DISC1: variants seen among roughly 807,000 people sequenced by gnomAD.
DISC1 encodes the protein DISC1 scaffold protein, also known as disrupted in schizophrenia 1 protein.
A neutral mutation model predicts 84.5 loss-of-function variants in DISC1; 57 were observed. The observed-to-expected ratio is 0.67, with a 90% CI of 0.55 to 0.84. The LOEUF (loss-of-function observed/expected upper bound fraction) is 0.84, where lower values mean the gene tolerates loss of function less well. Ranked by LOEUF, DISC1 falls within the 40% of genes least tolerant of loss-of-function variation. The probability of loss-of-function intolerance (pLI) is 0.00; values close to 1 mark genes in which losing one functional copy is unlikely to be tolerated. For missense variants in DISC1, 1,000 were observed against 1,057.8 expected (o/e 0.95, Z 0.76); for synonymous variants, 411 against 415.2 (o/e 0.99, Z 0.12).
chr1:231,636,406 C>T (rs1020267423), intron 1 of DISC1, among the ~76,000 whole-genome samples: 15 of 152,264 alleles, frequency 9.9e-5, no homozygotes, highest in African/African-American at 2.9e-4. Flanking sequence ...GCTGGCTAAT[C>T]GGCCTTGGGG....
At chr1:231,959,214 T>C in intron 10 of DISC1, 2 of 1,022,662 alleles carry the variant, frequency 2.0e-6, no homozygotes, top group Non-Finnish European at 2.3e-6. Context: ...TTTTAAACTT[T>C]AGTGTTTGAG....
Position 231,694,011 on chromosome 1 carries a change from C to T in DISC1, c.253C>T (p.Gln85Ter), listed in dbSNP as rs2065354060. 6.2e-7 allele frequency: 1 copy of T among 1,614,042 alleles called. No individual in the cohort carries two copies. The highest frequency in any genetic ancestry group is 1.3e-5 in the African/African-American group (1 of 74,938). The part of the protein sequence containing the change: ...ESHHSESRAR[Q>*]CGLDSRGLLV... The stretch of plus-strand genomic sequence containing the variant: ...CCACCACTCGGAGTCCAGGGCCAGA[C>T]AGTGTGGCCTTGACTCGAGAGGCCT... The change falls in exon 2 of 13, where the codon CAG becomes TAG. Residue 85 changes from glutamine (Q) to a stop codon, truncating the protein, a stop_gained. Coordinates refer to ENST00000439617, the MANE Select transcript of DISC1 (RefSeq NM_018662.3). LOFTEE classifies it high-confidence loss of function.
At chr1:231,730,689 G>T (rs530667781) in intron 3 of DISC1, among the ~76,000 whole-genome samples, 1 of 152,192 alleles carries the variant, frequency 6.6e-6, no homozygotes, top group South Asian at 2.1e-4. Context: ...GTAGGCTGGG[G>T]TAAGATATGA....
intron 4 of DISC1, among the ~76,000 whole-genome samples, chr1:231,766,288 T>TAAAAAAAAAAA (rs61578768): frequency 9.4e-6 from 1 of 106,126 alleles, no homozygotes; most frequent in Non-Finnish European, 1.8e-5. Flanking sequence ...AGACATTATC[T>TAAAAAAAAAAA]AAAAAAAAAA....
At chr1:231,940,886 A>T (rs149873332) in intron 9 of DISC1, 90 of 152,356 alleles carry the variant, frequency 5.9e-4, no homozygotes, top group African/African-American at 2.1e-3. Flanking sequence ...TTGCGGGTGC[A>T]TCACAGCAGG....
At chr1:231,802,258 G>C (rs1177258030) in intron 8 of DISC1, among the ~76,000 whole-genome samples, 1 of 152,096 alleles carries the variant, frequency 6.6e-6, no homozygotes, top group East Asian at 1.9e-4. Context: ...TGGATCATGA[G>C]GGCGGTTTCC....
At chr1:231,921,388 G>A (rs558985930) in intron 9 of DISC1, among the ~76,000 whole-genome samples, 55 of 152,230 alleles carry the variant, frequency 3.6e-4, no homozygotes, top group South Asian at 4.1e-4. Context: ...GCTTCAATTT[G>A]TTCTCAGTTT....
chr1:231,847,930 A>G (rs1300382938), intron 9 of DISC1, among the ~76,000 whole-genome samples: 1 of 152,222 alleles, frequency 6.6e-6, no homozygotes, highest in South Asian at 2.1e-4. Flanking sequence ...TGCCAAGTGA[A>G]TGAATAAAAC....
chr1:231,990,299 G>A (rs1410763680), intron 10 of DISC1, among the ~76,000 whole-genome samples: 2 of 151,872 alleles, frequency 1.3e-5, no homozygotes, highest in Non-Finnish European at 2.9e-5. Context: ...CACCACTAAA[G>A]GTCTTGGAAA....
At chr1:231,643,873 GC>G (rs1284415558) in intron 1 of DISC1, among the ~76,000 whole-genome samples, 3 of 152,184 alleles carry the variant, frequency 2.0e-5, no homozygotes, top group Non-Finnish European at 4.4e-5. Context: ...GAGCCCTGGT[GC>G]TGAGGATGGC....
Position 231,633,065 on chromosome 1 carries a change from C to T in DISC1, c.67+6131C>T, listed in dbSNP as rs568111177. Reference sequence around the variant, plus strand: ...CAGCCTGGGCTACAGAGAGAGACTCCGTCAAAAAAACAAACAAACAAAAAA... The same window carrying T: ...CAGCCTGGGCTACAGAGAGAGACTCTGTCAAAAAAACAAACAAACAAAAAA... On this transcript the variant is annotated intron_variant, in intron 1 of 12. Coordinates refer to ENST00000439617, the MANE Select transcript of DISC1 (RefSeq NM_018662.3). Among the ~76,000 whole-genome samples the T allele has an allele frequency of 3.3e-5, 5 of 151,976 alleles. No homozygotes were observed. In the East Asian group the frequency reaches 7.7e-4, roughly 23 times the overall value.
chr1:231,886,453 C>T (rs1157117045), intron 9 of DISC1, among the ~76,000 whole-genome samples: 3 of 152,176 alleles, frequency 2.0e-5, no homozygotes, highest in African/African-American at 7.2e-5. Flanking sequence ...GAAAGACATA[C>T]ATTGTGGGTA....
At chr1:232,004,241 A>G (rs1179806734) in intron 10 of DISC1, among the ~76,000 whole-genome samples, 3 of 151,964 alleles carry the variant, frequency 2.0e-5, no homozygotes, top group Non-Finnish European at 4.4e-5. Context: ...AGAACAAATC[A>G]ATGAAATAGT....
At chr1:231,737,800 A>T (rs1293113234) in intron 3 of DISC1, among the ~76,000 whole-genome samples, 10 of 152,240 alleles carry the variant, frequency 6.6e-5, no homozygotes, top group Admixed American at 5.9e-4. Flanking sequence ...CCTGAGCTGG[A>T]TACATACGCC....
intron 9 of DISC1, among the ~76,000 whole-genome samples, chr1:231,899,752 G>T (rs12139471): frequency 0.016 from 2,415 of 152,196 alleles, 29 homozygotes; most frequent in Middle Eastern, 0.061. Flanking sequence ...GTTTTCTGGC[G>T]AGTCTGTCGT....
At chr1:231,886,238 C>T (rs1231724985) in intron 9 of DISC1, among the ~76,000 whole-genome samples, 1 of 152,196 alleles carries the variant, frequency 6.6e-6, no homozygotes, top group African/African-American at 2.4e-5. Flanking sequence ...CACATTGAAA[C>T]CATAGCACTC....
intron 2 of DISC1, among the ~76,000 whole-genome samples, chr1:231,697,042 A>G (rs1299663375): frequency 6.6e-6 from 1 of 152,230 alleles, no homozygotes; most frequent in Non-Finnish European, 1.5e-5. Flanking sequence ...CAATAGGAGG[A>G]AGAACCTCTT....
intron 6 of DISC1, among the ~76,000 whole-genome samples, chr1:231,791,454 T>G (rs977467663): frequency 6.6e-6 from 1 of 152,240 alleles, no homozygotes; most frequent in African/African-American, 2.4e-5. Flanking sequence ...AATTAGAGTT[T>G]CTACTTCATA....
At chr1:232,007,178 A>G (rs1667566546) in intron 10 of DISC1, among the ~76,000 whole-genome samples, 1 of 152,156 alleles carries the variant, frequency 6.6e-6, no homozygotes, top group African/African-American at 2.4e-5. Context: ...TGGAAGGGAA[A>G]TGTGGGGTCA....
Sources: allele counts gnomAD v4.1 joint callset (sites outside exome capture counted in the v4.1 genomes callset), GRCh38; gene constraint gnomAD v4.1.1; transcripts MANE v1.5; gene names NCBI Gene and HGNC (gene_info 2026-07-23, HGNC 2026-07-21).